PDSS2: variants seen among roughly 807,000 people sequenced by gnomAD.
The protein encoded by PDSS2 is all trans-polyprenyl-diphosphate synthase PDSS2.
A neutral mutation model predicts 44.5 loss-of-function variants in PDSS2; 31 were observed. The ratio of observed to expected loss-of-function variants is 0.70; its 90% CI spans 0.52 to 0.94. The LOEUF is 0.94. Ranked by LOEUF, PDSS2 falls within the 40% of genes least tolerant of loss-of-function variation. The probability of loss-of-function intolerance (pLI) is 0.00; values close to 1 mark genes in which losing one functional copy is unlikely to be tolerated. For synonymous variants in PDSS2, 157 were observed against 180.3 expected (o/e 0.87, Z 1.03); for missense variants, 452 against 482.2 (o/e 0.94, Z 0.59).
At chr6:107,366,173 C>A (rs1778955293) in intron 1 of PDSS2, among the ~76,000 whole-genome samples, 1 of 152,004 alleles carries the variant, frequency 6.6e-6, no homozygotes, top group Non-Finnish European at 1.5e-5. Context: ...AGACTGAAAT[C>A]ATAAAAAGTA....
intron 7 of PDSS2, among the ~76,000 whole-genome samples, chr6:107,159,953 C>T (rs1192937600): frequency 6.6e-6 from 1 of 152,096 alleles, no homozygotes. Context: ...CGGTGGCTCA[C>T]TCCTGTAATT....
rs1776301555 is a variant in PDSS2, at chr6:107,290,331, T to C, written c.432-16104A>G. Among the ~76,000 whole-genome samples the C allele has an allele frequency of 2.6e-5, 4 of 152,226 alleles. No homozygotes were observed. The South Asian group carries it at 8.3e-4, about 32-fold the overall frequency. On this transcript the variant is annotated intron_variant, in intron 2 of 7. Coordinates refer to ENST00000369037, the MANE Select transcript of PDSS2 (RefSeq NM_020381.4). ...TTGCTGTGTGACTAAATATGGAGGA[T>C]AAATGAAAGATACTTTTTAGATGTG...
chr6:107,155,178 C>T (rs565629562), intron 7 of PDSS2, among the ~76,000 whole-genome samples: 2 of 146,062 alleles, frequency 1.4e-5, no homozygotes, highest in East Asian at 4.1e-4. Flanking sequence ...TGGAGTCTCG[C>T]TCTGTCGCCC....
At position 107,249,280 on chromosome 6, in the gene PDSS2, T is replaced by C. The variant is rs76079105; in HGVS notation, c.631-3661A>G. Among the ~76,000 whole-genome samples the C allele has an allele frequency of 7.1e-4, 108 of 152,332 alleles. 1 individual carries two copies. The highest frequency in any genetic ancestry group is 2.5e-3 in the African/African-American group (104 of 41,582). On this transcript the variant is annotated intron_variant, in intron 3 of 7. Coordinates refer to ENST00000369037, the MANE Select transcript of PDSS2 (RefSeq NM_020381.4). Reference sequence around the variant, plus strand: ...TGCTATATTCAGTACAAGCCTTGCGTAGATGAACAGCAGAGTATGGAAACC... The same window carrying C: ...TGCTATATTCAGTACAAGCCTTGCGCAGATGAACAGCAGAGTATGGAAACC...
At chr6:107,261,890 T>TTTCC (rs1554259977) in intron 3 of PDSS2, among the ~76,000 whole-genome samples, 2 of 1,054 alleles carry the variant, frequency 1.9e-3, no homozygotes, top group African/African-American at 3.8e-3. Context: ...GTCTCAGGTA[T>TTTCC]TTCTTTTCTT....
chr6:107,192,564 A>T lies in PDSS2; in HGVS notation c.1041+1258T>A, dbSNP rs1009424852. On this transcript the variant is annotated intron_variant, in intron 7 of 7. Transcript: ENST00000369037. ...CGCAAATGGCCCCCAAACCCCAAAA[A>T]CCAAAGTATCCCTGTCAACCTAAAT... is the stretch of plus-strand genomic sequence containing the variant. 3.2e-5 allele frequency: 9 copies of T among 285,414 alleles called. No individual in the cohort carries two copies. The Admixed American group carries it at 4.1e-4, about 13-fold the overall frequency. The allele number at this position is 285,414 out of a possible 1,614,324, so 17.7% of individuals were successfully genotyped here.
intron 2 of PDSS2, among the ~76,000 whole-genome samples, chr6:107,324,422 C>T (rs1777474898): frequency 1.3e-5 from 2 of 152,098 alleles, no homozygotes; most frequent in Admixed American, 1.3e-4. Flanking sequence ...TCTTGTAGTA[C>T]AAAAAGATAC....
At chr6:107,210,855 T>G (rs1223709672) in intron 5 of PDSS2, among the ~76,000 whole-genome samples, 1 of 106,508 alleles carries the variant, frequency 9.4e-6, no homozygotes, top group South Asian at 2.6e-4. Context: ...AAAACAAAAA[T>G]TGGGGGGGGT....
intron 1 of PDSS2, among the ~76,000 whole-genome samples, chr6:107,450,651 A>C (rs1781834862): frequency 6.6e-6 from 1 of 152,224 alleles, no homozygotes; most frequent in Non-Finnish European, 1.5e-5. Flanking sequence ...AAGGAGAAAT[A>C]CATATATGTA....
In PDSS2 at chr6:107,212,396, TG is replaced by T. The variant is rs1300294376; in HGVS notation, c.703-115del. ...AACTATTCAAAAACACTCAGGCTATTGGAACAAGACAGAACTAAAAGATGCC... is the reference window on the plus strand; with the variant it reads ...AACTATTCAAAAACACTCAGGCTATTGAACAAGACAGAACTAAAAGATGCC... On this transcript the variant is annotated intron_variant, in intron 4 of 7. Coordinates refer to ENST00000369037, the MANE Select transcript of PDSS2 (RefSeq NM_020381.4). 3 of 815,942 alleles carry T rather than the reference TG, an allele frequency of 3.7e-6. No homozygotes were observed. In the Admixed American group the frequency reaches 7.4e-5, roughly 20 times the overall value. The allele number at this position is 815,942 out of a possible 1,614,324, so 50.5% of individuals were successfully genotyped here.
intron 1 of PDSS2, among the ~76,000 whole-genome samples, chr6:107,429,900 AAATATATATAT>A (rs1429995646): frequency 7.1e-5 from 3 of 42,330 alleles, no homozygotes; most frequent in African/African-American, 2.5e-4. Context: ...AAAAAAAAAA[AAATATATATAT>A]ATATATATAT....
At chr6:107,258,212 G>A (rs1422550012) in intron 3 of PDSS2, among the ~76,000 whole-genome samples, 1 of 152,082 alleles carries the variant, frequency 6.6e-6, no homozygotes, top group African/African-American at 2.4e-5. Flanking sequence ...GCTGAAATAT[G>A]CACAAAAATC....
At chr6:107,429,884 C>CAA (rs1163895804) in intron 1 of PDSS2, among the ~76,000 whole-genome samples, 117 of 5,328 alleles carry the variant, frequency 0.022, 6 homozygotes, top group South Asian at 0.044. Context: ...AACTTAGTCT[C>CAA]AAAAAAAAAA....
At chr6:107,287,199 C>T (rs1776183320) in intron 2 of PDSS2, among the ~76,000 whole-genome samples, 1 of 152,122 alleles carries the variant, frequency 6.6e-6, no homozygotes, top group Non-Finnish European at 1.5e-5. Context: ...CCAAATAAAG[C>T]CCACAGACAT....
chr6:107,283,547 C>G (rs1200441188), intron 2 of PDSS2, among the ~76,000 whole-genome samples: 1 of 148,008 alleles, frequency 6.8e-6, no homozygotes, highest in Admixed American at 6.7e-5. Context: ...TTGGAGAAAC[C>G]CTGTCTCTAC....
chr6:107,315,083 T>C (rs1476017914), intron 2 of PDSS2, among the ~76,000 whole-genome samples: 5 of 152,236 alleles, frequency 3.3e-5, no homozygotes, highest in Non-Finnish European at 7.3e-5. Context: ...TGTCATTATA[T>C]ATAATTTTTA....
At chr6:107,396,944 A>G in intron 1 of PDSS2, among the ~76,000 whole-genome samples, 1 of 152,024 alleles carries the variant, frequency 6.6e-6, no homozygotes, top group East Asian at 1.9e-4. Flanking sequence ...CTCCCACCTT[A>G]GTCTCCCGAA....
intron 1 of PDSS2, among the ~76,000 whole-genome samples, chr6:107,349,741 C>T (rs1160749357): frequency 6.7e-6 from 1 of 149,990 alleles, no homozygotes; most frequent in Non-Finnish European, 1.5e-5. Context: ...AAGAGTGAAA[C>T]TCAGCCTCAA....
intron 1 of PDSS2, among the ~76,000 whole-genome samples, chr6:107,420,289 A>G (rs1780783884): frequency 6.6e-6 from 1 of 152,216 alleles, no homozygotes; most frequent in South Asian, 2.1e-4. Context: ...CCTCAGCCAG[A>G]ACCAGTCCCA....
Sources: gnomAD v4.1 joint callset for allele counts (sites outside exome capture counted in the v4.1 genomes callset) on GRCh38, gnomAD v4.1.1 for gene constraint, MANE v1.5 for transcripts, NCBI Gene and HGNC (gene_info 2026-07-23, HGNC 2026-07-21) for gene names.